Variants in KCNK1 observed in about 807,000 individuals in gnomAD.
KCNK1 encodes the protein potassium two pore domain channel subfamily K member 1.
KCNK1 carries 10 observed loss-of-function variants against 22.2 expected under a neutral mutation model. The observed-to-expected ratio is 0.45, with a 90% confidence interval of 0.28 to 0.76. KCNK1 has a LOEUF of 0.76. Among genes scored for constraint, KCNK1 ranks in the 30% least tolerant of loss-of-function variants. The pLI is 0.14. For missense variants in KCNK1, 378 were observed against 421.0 expected (o/e 0.90, Z 0.89); for synonymous variants, 200 against 186.4 (o/e 1.07, Z -0.60).
intron 1 of KCNK1, among the ~76,000 whole-genome samples, chr1:233,625,347 A>G (rs1657670820): frequency 6.6e-6 from 1 of 152,178 alleles, no homozygotes. Flanking sequence ...GATGGGTCAT[A>G]TAATTTCATT....
chr1:233,647,585 C>T (rs553057231), intron 1 of KCNK1, among the ~76,000 whole-genome samples: 16 of 152,204 alleles, frequency 1.1e-4, no homozygotes, highest in Non-Finnish European at 1.9e-4. Context: ...TAGGGCCTCA[C>T]GATGCTCAAC....
chr1:233,656,414 G>A (rs560089450), intron 1 of KCNK1, among the ~76,000 whole-genome samples: 35 of 152,308 alleles, frequency 2.3e-4, no homozygotes, highest in African/African-American at 7.2e-4. Context: ...CTCAGTAGTC[G>A]TTAGACAAAA....
chr1:233,646,409 T>G (rs1658094247), intron 1 of KCNK1, among the ~76,000 whole-genome samples: 2 of 152,102 alleles, frequency 1.3e-5, no homozygotes, highest in South Asian at 4.1e-4. Context: ...TTTAAAGGCA[T>G]GGATCTAGAC....
chr1:233,667,241 A>G (rs536806203), intron 2 of KCNK1, among the ~76,000 whole-genome samples: 79 of 152,262 alleles, frequency 5.2e-4, no homozygotes, highest in African/African-American at 1.6e-3. Flanking sequence ...ATGAGGGGTC[A>G]TTCATAAAAG....
chr1:233,666,571 T>C, intron 1 of KCNK1, 24 bp from the exon 2 acceptor site: 1 of 1,571,256 alleles, frequency 6.4e-7, no homozygotes, highest in South Asian at 1.2e-5. Context: ...CCTCTTCGCC[T>C]CAGTGACCTT....
intron 1 of KCNK1, among the ~76,000 whole-genome samples, chr1:233,646,730 A>T (rs1037102404): frequency 9.2e-5 from 14 of 152,170 alleles, no homozygotes; most frequent in Admixed American, 4.6e-4. Context: ...AGCAGTGAGA[A>T]TGTGGCATGT....
rs76888703 is a variant in KCNK1, at chr1:233,638,759, A to G, written c.355+24233A>G. 2.0e-3 allele frequency among the ~76,000 whole-genome samples: 301 copies of G among 152,270 alleles called. 6 individuals are homozygous for G. In the East Asian group the frequency reaches 0.052, roughly 26 times the overall value. On this transcript the variant is annotated intron_variant, in intron 1 of 2. Transcript: ENST00000366621. The stretch of plus-strand genomic sequence containing the variant: ...CTCTGCATCCATGGGCTCGATGACT[A>G]AGTGAGGCCATCCATGTGCAGGGAA...
At chr1:233,646,203 G>A (rs1324531712) in intron 1 of KCNK1, among the ~76,000 whole-genome samples, 2 of 152,146 alleles carry the variant, frequency 1.3e-5, no homozygotes, top group African/African-American at 2.4e-5. Flanking sequence ...CAGTAAGTTA[G>A]GAGTCATTTG....
At chr1:233,664,213 C>T (rs1246333936) in intron 1 of KCNK1, among the ~76,000 whole-genome samples, 1 of 152,156 alleles carries the variant, frequency 6.6e-6, no homozygotes, top group East Asian at 1.9e-4. Context: ...ATCATCCCTC[C>T]TTGGTGCCTC....
intron 1 of KCNK1, among the ~76,000 whole-genome samples, chr1:233,615,061 C>T (rs1414953666): frequency 1.3e-5 from 2 of 152,204 alleles, no homozygotes; most frequent in Non-Finnish European, 2.9e-5. Flanking sequence ...CCCTTTGGAC[C>T]ATGCACAGAT....
intron 1 of KCNK1, among the ~76,000 whole-genome samples, chr1:233,619,541 G>A (rs1657541386): frequency 1.3e-5 from 2 of 152,140 alleles, no homozygotes; most frequent in South Asian, 4.1e-4. Context: ...ATGCTGGACT[G>A]ATCCTTAGTT....
At chr1:233,669,664 T>C (rs1658562621) in intron 2 of KCNK1, among the ~76,000 whole-genome samples, 1 of 152,150 alleles carries the variant, frequency 6.6e-6, no homozygotes, top group South Asian at 2.1e-4. Context: ...CTGGCCAATA[T>C]GGTGAAACAC....
intron 1 of KCNK1, among the ~76,000 whole-genome samples, chr1:233,636,158 T>C (rs951212017): frequency 6.6e-6 from 1 of 152,186 alleles, no homozygotes; most frequent in Non-Finnish European, 1.5e-5. Flanking sequence ...TAGGACCTTA[T>C]GGGCCCTGAT....
chr1:233,653,782 G>A (rs191011863), intron 1 of KCNK1, among the ~76,000 whole-genome samples: 10 of 152,026 alleles, frequency 6.6e-5, no homozygotes, highest in Admixed American at 3.3e-4. Flanking sequence ...GCTGGCTTCC[G>A]TAATTGGATA....
chr1:233,657,061 AT>A (rs1658310797), intron 1 of KCNK1, among the ~76,000 whole-genome samples: 1 of 152,190 alleles, frequency 6.6e-6, no homozygotes, highest in South Asian at 2.1e-4. Context: ...TAGTAAGAAA[AT>A]ATTAAAGGGA....
chr1:233,645,057 G>C (rs753306708), intron 1 of KCNK1, among the ~76,000 whole-genome samples: 3 of 151,996 alleles, frequency 2.0e-5, no homozygotes, highest in Non-Finnish European at 4.4e-5. Flanking sequence ...AGCTGGGTGT[G>C]GTGGCGGGCG....
chr1:233,669,186 ATTGTT>A (rs968240629), intron 2 of KCNK1, among the ~76,000 whole-genome samples: 15 of 152,048 alleles, frequency 9.9e-5, no homozygotes, highest in Admixed American at 2.0e-4. Flanking sequence ...ATTATAGGTG[ATTGTT>A]TTGTTTTATT....
intron 2 of KCNK1, among the ~76,000 whole-genome samples, chr1:233,670,811 G>T (rs897571392): frequency 6.6e-6 from 1 of 152,194 alleles, no homozygotes; most frequent in South Asian, 2.1e-4. Flanking sequence ...AATAGAAATT[G>T]TAAGAGTATT....
intron 2 of KCNK1, among the ~76,000 whole-genome samples, chr1:233,667,641 A>G (rs899344197): frequency 4.7e-5 from 7 of 148,350 alleles, no homozygotes; most frequent in Non-Finnish European, 8.9e-5. Flanking sequence ...GAGGCAGGAG[A>G]ATGGCGTGAA....
Sources: gnomAD v4.1 joint callset for allele counts (sites outside exome capture counted in the v4.1 genomes callset) on GRCh38, gnomAD v4.1.1 for gene constraint, MANE v1.5 for transcripts, NCBI Gene and HGNC (gene_info 2026-07-23, HGNC 2026-07-21) for gene names.